The following RIC3 variants were observed in gnomAD, a reference collection of about 807,000 sequenced individuals.
The protein encoded by RIC3 is RIC3 acetylcholine receptor chaperone.
RIC3 carries 28 observed loss-of-function variants against 27.3 expected under a neutral mutation model. The ratio of observed to expected loss-of-function variants is 1.02; its 90% CI spans 0.76 to 1.41. The LOEUF is 1.41. Among genes scored for constraint, RIC3 ranks in the 40% most tolerant of loss-of-function variants. The probability of loss-of-function intolerance (pLI) is 0.00; values close to 1 mark genes in which losing one functional copy is unlikely to be tolerated. For missense variants in RIC3, 501 were observed against 444.7 expected (o/e 1.13, Z -1.14); for synonymous variants, 184 against 160.4 (o/e 1.15, Z -1.11).
intron 5 of RIC3, among the ~76,000 whole-genome samples, chr11:8,125,980 A>G (rs1946952493): frequency 6.6e-6 from 1 of 152,214 alleles, no homozygotes; most frequent in Admixed American, 6.5e-5. Flanking sequence ...TAGAGGTTGC[A>G]GCGAGCTGAG....
chr11:8,133,905 G>C (rs890198691), intron 4 of RIC3, among the ~76,000 whole-genome samples: 16 of 152,082 alleles, frequency 1.1e-4, no homozygotes, highest in Admixed American at 2.0e-4. Flanking sequence ...TCTTCATGTT[G>C]TCTCTTACCC....
chr11:8,132,062 T>C (rs1166220838), intron 4 of RIC3, among the ~76,000 whole-genome samples: 3 of 152,122 alleles, frequency 2.0e-5, no homozygotes, highest in East Asian at 1.9e-4. Flanking sequence ...CCCACATACA[T>C]AGTTGACATG....
intron 1 of RIC3, among the ~76,000 whole-genome samples, chr11:8,151,550 C>A (rs1950224168): frequency 7.9e-6 from 1 of 127,114 alleles, no homozygotes. Flanking sequence ...CGCGCCACTG[C>A]ACTCCAGCCT....
rs1352157216 is a variant in RIC3, at chr11:8,145,212, A to AG, written c.125-5020_125-5019insC. ...AAATTAAAAAAAAATTAAAAAAAAAAAAGAAAGAAAATACAATGTGGTCTC... is the reference window on the plus strand; with the variant it reads ...AAATTAAAAAAAAATTAAAAAAAAAAGAAGAAAGAAAATACAATGTGGTCTC... On this transcript the variant is annotated intron_variant, in intron 1 of 5. Coordinates refer to ENST00000309737, the MANE Select transcript of RIC3 (RefSeq NM_001206671.4). Among the ~76,000 whole-genome samples the AG allele has an allele frequency of 2.7e-5, 4 of 149,774 alleles. No individual in the cohort carries two copies. In the South Asian group the frequency reaches 8.4e-4, roughly 32 times the overall value.
At chr11:8,096,799 C>T in the RIC3 span, 3 of 1,614,152 alleles carry the variant, frequency 1.9e-6, no homozygotes, top group East Asian at 2.2e-5. Context: ...AGCAGGAAGT[C>T]CGTCAGGGTG....
intron 1 of RIC3, among the ~76,000 whole-genome samples, chr11:8,164,986 T>C (rs1951551758): frequency 6.6e-6 from 1 of 152,116 alleles, no homozygotes; most frequent in Non-Finnish European, 1.5e-5. Flanking sequence ...CTAGGATGGC[T>C]ATCATCAAGA....
At chr11:8,157,102 C>T (rs1291277626) in intron 1 of RIC3, among the ~76,000 whole-genome samples, 1 of 152,110 alleles carries the variant, frequency 6.6e-6, no homozygotes, top group African/African-American at 2.4e-5. Flanking sequence ...TATTTCAGAA[C>T]ACCAACATTA....
chr11:8,106,291 CTAAT>C lies in RIC3; in HGVS notation c.*4403_*4406del, dbSNP rs1315468305. On this transcript the variant is annotated 3_prime_UTR_variant, in exon 6 of 6. Coordinates refer to ENST00000309737, the MANE Select transcript of RIC3 (RefSeq NM_001206671.4). ...AGGGGAAAAAAGCCCTGTTTACTTC[CTAAT>C]TTTTTTCTATACCTTTCATTCATTG... The C allele has an allele frequency of 1.2e-4, 19 of 152,096 alleles. No homozygotes were observed. Among genetic ancestry groups the C allele is most frequent in the Admixed American group, 1.2e-3 (19 of 15,284 alleles). 9.4% of individuals were successfully genotyped at this position (152,096 alleles called of 1,614,324 possible). A position where few individuals can be genotyped will look rare whatever the true frequency, so the allele number is the denominator to read the frequency against.
chr11:8,168,140 G>A lies in RIC3; in HGVS notation c.124+726C>T, dbSNP rs185983968. 3.6e-4 allele frequency among the ~76,000 whole-genome samples: 55 copies of A among 152,290 alleles called. No homozygotes were observed. In the East Asian group the frequency reaches 9.6e-3, roughly 27 times the overall value. On this transcript the variant is annotated intron_variant, in intron 1 of 5. Coordinates refer to ENST00000309737, the MANE Select transcript of RIC3 (RefSeq NM_001206671.4). Reference sequence around the variant, plus strand: ...TTCATGACCTATAGAAAACTGTTCTGGTTCCTTCTCCCAGCCTTCAGCACC... The same window carrying A: ...TTCATGACCTATAGAAAACTGTTCTAGTTCCTTCTCCCAGCCTTCAGCACC...
rs570187476 is a variant in RIC3, at chr11:8,134,813, T to C, written c.521+2565A>G. On this transcript the variant is annotated intron_variant, in intron 4 of 5. Transcript: ENST00000309737. The stretch of plus-strand genomic sequence containing the variant: ...TGTCTTCTTTTGAGAAGTGTCTGTT[T>C]ATATCCTTTGCCCGCTTGTTGATGG... Among the ~76,000 whole-genome samples the C allele has an allele frequency of 1.4e-3, 209 of 152,310 alleles. 1 individual carries two copies. The highest frequency in any genetic ancestry group is 2.4e-3 in the Non-Finnish European group (164 of 68,004).
At chr11:8,142,466 G>C (rs1473619638) in intron 1 of RIC3, among the ~76,000 whole-genome samples, 1 of 150,804 alleles carries the variant, frequency 6.6e-6, no homozygotes, top group African/African-American at 2.4e-5. Context: ...ACTCTCCCAA[G>C]ACTAAACCAG....
intron 1 of RIC3, among the ~76,000 whole-genome samples, chr11:8,166,841 C>T (rs1951737950): frequency 6.6e-6 from 1 of 151,810 alleles, no homozygotes; most frequent in Non-Finnish European, 1.5e-5. Context: ...GTGATCATGA[C>T]TCTGCACTCC....
At chr11:8,106,015 C>T (rs369821696), downstream of RIC3, 35 of 151,890 alleles carry the variant, frequency 2.3e-4, no homozygotes, top group African/African-American at 8.4e-4. Flanking sequence ...AGTGGTCAGA[C>T]ATTTTATTTT....
At chr11:8,158,262 G>A (rs948103219) in intron 1 of RIC3, among the ~76,000 whole-genome samples, 1 of 152,134 alleles carries the variant, frequency 6.6e-6, no homozygotes, top group Non-Finnish European at 1.5e-5. Flanking sequence ...GGAGAACATC[G>A]TGACAAAGGG....
chr11:8,133,899 C>T lies in RIC3; in HGVS notation c.521+3479G>A, dbSNP rs191853192. Among the ~76,000 whole-genome samples the T allele has an allele frequency of 6.5e-3, 985 of 152,092 alleles. 22 individuals carry two copies. The highest frequency in any genetic ancestry group is 0.051 in the Admixed American group (784 of 15,292). On this transcript the variant is annotated intron_variant, in intron 4 of 5. Coordinates refer to ENST00000309737, the MANE Select transcript of RIC3 (RefSeq NM_001206671.4). ...GTAAATAATAATGAGAAAATATCTTCATGTTGTCTCTTACCCCAAGCTCCA... is the reference window on the plus strand; with the variant it reads ...GTAAATAATAATGAGAAAATATCTTTATGTTGTCTCTTACCCCAAGCTCCA...
chr11:8,126,582 A>T, intron 5 of RIC3, 77 bp downstream of exon 5: 1 of 1,543,364 alleles, frequency 6.5e-7, no homozygotes, highest in South Asian at 1.2e-5. Context: ...CTCAATAATG[A>T]AGCTGATTTT....
At chr11:8,098,880 G>C in the RIC3 span, 1 of 1,606,294 alleles carries the variant, frequency 6.2e-7, no homozygotes, top group Non-Finnish European at 8.5e-7. Flanking sequence ...TGCTACGTGA[G>C]TCCTAGGTTC....
intron 1 of RIC3, among the ~76,000 whole-genome samples, chr11:8,158,587 G>C (rs1197289174): frequency 6.6e-6 from 1 of 151,212 alleles, no homozygotes; most frequent in East Asian, 2.0e-4. Flanking sequence ...GGTACACAGG[G>C]AGAGCAGAAG....
intron 4 of RIC3, among the ~76,000 whole-genome samples, chr11:8,133,775 G>C (rs1948025808): frequency 6.6e-6 from 1 of 152,302 alleles, no homozygotes; most frequent in Non-Finnish European, 1.5e-5. Context: ...ACAGTAGTTA[G>C]AGGTTATAGT....
Sources: gnomAD v4.1 joint callset for allele counts (sites outside exome capture counted in the v4.1 genomes callset) on GRCh38, gnomAD v4.1.1 for gene constraint, MANE v1.5 for transcripts, NCBI Gene and HGNC (gene_info 2026-07-23, HGNC 2026-07-21) for gene names.